Variants in PGBD1 observed in about 807,000 individuals in gnomAD.
PGBD1 encodes the protein piggyBac transposable element derived 1.
In PGBD1, 25 loss-of-function variants were observed where a neutral mutation model predicts 34.7. The ratio of observed to expected loss-of-function variants is 0.72; its 90% confidence interval spans 0.52 to 1.00. The LOEUF (loss-of-function observed/expected upper bound fraction) is 1.00, where lower values mean the gene tolerates loss of function less well. PGBD1 is among the 50% of genes least tolerant of loss of function. The pLI is 0.00. For synonymous variants in PGBD1, 292 were observed against 335.7 expected, an observed-to-expected ratio of 0.87 and a Z score of 1.42; for missense variants, 830 against 959.4, an observed-to-expected ratio of 0.87 and a Z score of 1.78.
intron 2 of PGBD1, 56 bp downstream of exon 2, chr6:28,284,265 T>G (rs1006270350): frequency 1.4e-6 from 2 of 1,450,754 alleles, no homozygotes; most frequent in African/African-American, 2.8e-5. Context: ...CATGTATCGG[T>G]TTATTTTTAA....
chr6:28,301,806 G>A lies in PGBD1; in HGVS notation c.1952G>A (p.Arg651His), dbSNP rs774020114. 11 of 1,613,962 alleles carry A rather than the reference G, an allele frequency of 6.8e-6. No individual in the cohort carries two copies. Among genetic ancestry groups the A allele is most frequent in the South Asian group, 4.4e-5 (4 of 91,082 alleles). ...KKGVRATGTI[R>H]ENRTEKCPLM... ...GGGGTGAGGGCAACAGGAACAATTC[G>A]TGAGAACAGGACCGAAAAATGTCCC... The change falls in exon 7 of 7, where the codon CGT (arginine) becomes CAT (histidine). Residue 651 changes from arginine (R) to histidine (H), a missense_variant. Arg to His is a conservative substitution (Grantham distance 29, BLOSUM62 0). Coordinates refer to ENST00000682144, the MANE Select transcript of PGBD1 (RefSeq NM_032507.4).
In PGBD1 at chr6:28,301,700, G is replaced by C; in HGVS notation, c.1846G>C (p.Glu616Gln). 1 of 1,614,140 alleles carries C rather than the reference G, an allele frequency of 6.2e-7. No homozygotes were observed. The highest frequency in any genetic ancestry group is 8.5e-7 in the Non-Finnish European group (1 of 1,180,010). ...LVMNFADVLL[E>Q]RGQYPYHLCF... ...GATGAACTTCGCTGATGTTCTTTTAGAGAGAGGTCAGTATCCCTATCACCT... is the reference window on the plus strand; with the variant it reads ...GATGAACTTCGCTGATGTTCTTTTACAGAGAGGTCAGTATCCCTATCACCT... The change falls in exon 7 of 7, where the codon GAG becomes CAG. Residue 616 changes from glutamate to glutamine, a missense_variant. Physicochemically the swap from Glu to Gln is conservative, Grantham distance 29 (BLOSUM62 2). This residue lies in a region of PGBD1 where 372 missense variants were observed against 427.9 expected (regional missense o/e 0.87). Coordinates refer to ENST00000682144, the MANE Select transcript of PGBD1 (RefSeq NM_032507.4).
chr6:28,290,186 C>T (rs1231655505), intron 4 of PGBD1, among the ~76,000 whole-genome samples: 1 of 152,162 alleles, frequency 6.6e-6, no homozygotes. Flanking sequence ...ACCTCTGCCT[C>T]CCGAGTTCAA....
intron 4 of PGBD1, among the ~76,000 whole-genome samples, chr6:28,294,777 G>A (rs1320241216): frequency 6.6e-6 from 1 of 152,208 alleles, no homozygotes; most frequent in Admixed American, 6.5e-5. Context: ...CTTATTCACA[G>A]AGCACCTAGT....
At chr6:28,282,395 A>G (rs185595366) in intron 1 of PGBD1, among the ~76,000 whole-genome samples, 5 of 152,186 alleles carry the variant, frequency 3.3e-5, no homozygotes, top group Non-Finnish European at 1.5e-5. Context: ...ATTTACTTCA[A>G]CGAGTTTAAT....
intron 4 of PGBD1, among the ~76,000 whole-genome samples, chr6:28,291,589 C>G (rs1762454221): frequency 6.7e-6 from 1 of 150,202 alleles, no homozygotes; most frequent in East Asian, 1.9e-4. Context: ...GGACTACTTC[C>G]AAATTCATTC....
chr6:28,294,714 G>A (rs148149109), intron 4 of PGBD1, among the ~76,000 whole-genome samples: 309 of 152,256 alleles, frequency 2.0e-3, no homozygotes, highest in Admixed American at 4.1e-3. Flanking sequence ...TAAGCCTACT[G>A]TTGAGACATA....
At position 28,300,011 on chromosome 6, in the gene PGBD1, A is replaced by AG. The variant is rs1188690881; in HGVS notation, c.870-713_870-712insG. On this transcript the variant is annotated intron_variant, in intron 6 of 6. Coordinates refer to ENST00000682144, the MANE Select transcript of PGBD1 (RefSeq NM_032507.4). The surrounding 1 kb of genome is among the most constrained non-coding windows in gnomAD (Gnocchi z 4.0). ...GCTAGACTCTGTCTCAAAAAAAAAAAAAAACAAAACAAAACTTTTCATCTT... is the reference window on the plus strand; with the variant it reads ...GCTAGACTCTGTCTCAAAAAAAAAAAGAAAACAAAACAAAACTTTTCATCTT... Among the ~76,000 whole-genome samples, 1 of 151,898 alleles carries AG rather than the reference A, an allele frequency of 6.6e-6. No homozygotes were observed. The highest frequency in any genetic ancestry group is 1.9e-4 in the East Asian group (1 of 5,198).
Position 28,301,152 on chromosome 6 carries a change from A to G in PGBD1, c.1298A>G (p.Asn433Ser), listed in dbSNP as rs1445882657. Residue 433 changes from asparagine (N) to serine (S), a missense_variant, in exon 7 of 7, where the codon AAC becomes AGC. Around this residue, in one of 3 missense-constraint regions of PGBD1, gnomAD observed 457 missense variants for 515.4 expected, o/e 0.89. Coordinates refer to ENST00000682144, the MANE Select transcript of PGBD1 (RefSeq NM_032507.4). ...TTATTTTTTGATGATGAAACATTCAACTTAATTGTCAATGAAACCAATAAT... is the reference window on the plus strand; with the variant it reads ...TTATTTTTTGATGATGAAACATTCAGCTTAATTGTCAATGAAACCAATAAT... ...FELFFDDETF[N>S]LIVNETNNYA... 1.2e-6 allele frequency: 2 copies of G among 1,614,074 alleles called. No homozygotes were observed. The highest frequency in any genetic ancestry group is 2.7e-5 in the African/African-American group (2 of 74,934).
chr6:28,282,969 A>C (rs1762173229), intron 1 of PGBD1, among the ~76,000 whole-genome samples: 1 of 152,222 alleles, frequency 6.6e-6, no homozygotes, highest in South Asian at 2.1e-4. Context: ...CTCTAAACTT[A>C]GTGGCTGAAA....
intron 6 of PGBD1, among the ~76,000 whole-genome samples, chr6:28,299,342 C>G (rs1762751291): frequency 6.6e-6 from 1 of 151,866 alleles, no homozygotes. Flanking sequence ...TCCCTCACCC[C>G]CACCCCACTT....
intron 3 of PGBD1, 63 bp from the exon 4 acceptor site, chr6:28,287,017 C>T (rs1561885857): frequency 3.8e-6 from 5 of 1,313,938 alleles, no homozygotes; most frequent in Non-Finnish European, 5.5e-6. Context: ...GGCTGGGTCT[C>T]CAAAAAGGGT....
chr6:28,285,429 G>A, intron 2 of PGBD1, 122 bp from the exon 3 acceptor site: 2 of 1,053,442 alleles, frequency 1.9e-6, no homozygotes, highest in Non-Finnish European at 2.7e-6. Flanking sequence ...TCTGGGCTGG[G>A]ATCCTTTGCC....
intron 6 of PGBD1, among the ~76,000 whole-genome samples, chr6:28,298,856 A>G (rs1389860609): frequency 6.6e-6 from 1 of 152,084 alleles, no homozygotes; most frequent in Non-Finnish European, 1.5e-5. Context: ...AACAAATCAC[A>G]AGCAGAGGGT....
In PGBD1 at chr6:28,301,850, A is replaced by G. The variant is rs1161771915; in HGVS notation, c.1996A>G (p.Met666Val). Residue 666 changes from methionine to valine, a missense_variant, in exon 7 of 7, where the codon ATG becomes GTG. Coordinates refer to ENST00000682144, the MANE Select transcript of PGBD1 (RefSeq NM_032507.4). ...EKCPLMNVEH[M>V]KKMKRGYFDF... ...ATGTCCCCTTATGAATGTAGAACAT[A>G]TGAAAAAAATGAAGAGAGGGTATTT... The G allele has an allele frequency of 5.6e-6, 9 of 1,614,184 alleles. No homozygotes were observed. Among genetic ancestry groups the G allele is most frequent in the Non-Finnish European group, 7.6e-6 (9 of 1,180,028 alleles).
intron 1 of PGBD1, 125 bp from the exon 2 acceptor site, chr6:28,283,651 C>T: frequency 3.8e-6 from 3 of 786,498 alleles, no homozygotes; most frequent in East Asian, 2.7e-5. Context: ...CAAGCAGGCT[C>T]AGCTTTTGAG....
Position 28,300,615 on chromosome 6 carries a change from C to G in PGBD1, c.870-109C>G. 1.6e-6 allele frequency: 2 copies of G among 1,230,998 alleles called. No individual in the cohort carries two copies. Among genetic ancestry groups the G allele is most frequent in the Non-Finnish European group, 2.2e-6 (2 of 898,972 alleles). The allele number at this position is 1,230,998 out of a possible 1,614,324, so 76.3% of individuals were successfully genotyped here. On this transcript the variant is annotated intron_variant, in intron 6 of 6. Coordinates refer to ENST00000682144, the MANE Select transcript of PGBD1 (RefSeq NM_032507.4). This position sits in a 1 kb window ranked among gnomAD's most constrained non-coding sequence, Gnocchi z 4.0. ...AAACTTAAGAGAAATAAGTAAGTAT[C>G]CCCCCACACCCACCCCAAGCCCCAA...
At chr6:28,288,364 A>G (rs760353753) in intron 4 of PGBD1, among the ~76,000 whole-genome samples, 5 of 152,210 alleles carry the variant, frequency 3.3e-5, no homozygotes, top group Non-Finnish European at 7.3e-5. Flanking sequence ...AGGTTTATTT[A>G]GCTCAAAGTT....
In PGBD1 at chr6:28,301,511, T is replaced by G; in HGVS notation, c.1657T>G (p.Phe553Val). 6.2e-7 allele frequency: 1 copy of G among 1,614,160 alleles called. No individual in the cohort carries two copies. Among genetic ancestry groups the G allele is most frequent in the Non-Finnish European group, 8.5e-7 (1 of 1,180,028 alleles). Residue 553 changes from phenylalanine to valine, a missense_variant, in exon 7 of 7, where the codon TTT becomes GTT. Around this residue, in one of 3 missense-constraint regions of PGBD1, gnomAD observed 372 missense variants for 427.9 expected, o/e 0.87. Transcript: ENST00000682144. ...CTTTGATAAGTCAATGTGTGAATGC[T>G]TTGATAGTGACCAATTCCTGAATGG... ...YCFDKSMCEC[F>V]DSDQFLNGKP...
Sources: gnomAD v4.1 joint callset for allele counts (sites outside exome capture counted in the v4.1 genomes callset) on GRCh38, gnomAD v4.1.1 for gene constraint, gnomAD v4.1.1 regional missense constraint, Gnocchi (gnomAD v3.1) non-coding constraint, MANE v1.5 for transcripts, NCBI Gene and HGNC (gene_info 2026-07-23, HGNC 2026-07-21) for gene names.